The following IMMP2L variants were observed in gnomAD, a reference collection of about 807,000 sequenced individuals.
IMMP2L encodes the protein mitochondrial inner membrane protease subunit 2.
A neutral mutation model predicts 19.3 loss-of-function variants in IMMP2L; 18 were observed. The ratio of observed to expected loss-of-function variants is 0.93; its 90% CI spans 0.64 to 1.38. The LOEUF (loss-of-function observed/expected upper bound fraction) is 1.38. IMMP2L is among the 40% of genes most tolerant of loss of function. The probability of loss-of-function intolerance (pLI) is 0.00; values close to 1 mark genes in which losing one functional copy is unlikely to be tolerated. For missense variants in IMMP2L, 233 were observed against 218.2 expected (o/e 1.07, Z -0.43); for synonymous variants, 76 against 73.0 (o/e 1.04, Z -0.21).
chr7:110,796,741 C>G (rs555603978), intron 5 of IMMP2L, among the ~76,000 whole-genome samples: 1 of 152,086 alleles, frequency 6.6e-6, no homozygotes, highest in Admixed American at 6.6e-5. Context: ...CTCTGCTTAC[C>G]TAGAAAGCAA....
At chr7:111,304,720 T>TGTG (rs1822671153) in intron 3 of IMMP2L, among the ~76,000 whole-genome samples, 3 of 81,866 alleles carry the variant, frequency 3.7e-5, no homozygotes, top group Admixed American at 1.3e-4. Flanking sequence ...GTGTGTGTGG[T>TGTG]GTATCCTGTA....
intron 3 of IMMP2L, chr7:111,411,800 A>C (rs1473802682): frequency 4.9e-6 from 1 of 204,712 alleles, no homozygotes; most frequent in African/African-American, 2.3e-5. Flanking sequence ...TTATGAGCCA[A>C]TCGATGCCAC....
intron 3 of IMMP2L, among the ~76,000 whole-genome samples, chr7:111,452,121 TAATC>T (rs1306072010): frequency 2.0e-5 from 3 of 152,140 alleles, no homozygotes; most frequent in Non-Finnish European, 4.4e-5. Context: ...AGTTACATAT[TAATC>T]AAGATGCAGG....
At chr7:111,117,387 C>T (rs1800018397) in intron 3 of IMMP2L, among the ~76,000 whole-genome samples, 1 of 151,982 alleles carries the variant, frequency 6.6e-6, no homozygotes. Context: ...ATCCTGTCCC[C>T]AGTTACAAAA....
intron 5 of IMMP2L, among the ~76,000 whole-genome samples, chr7:110,861,129 GACAGAGACAGAGAGAC>G (rs1807377281): frequency 1.4e-5 from 2 of 144,208 alleles, no homozygotes; most frequent in Admixed American, 6.8e-5. Context: ...GAGAGAGAGA[GACAGAGACAGAGAGAC>G]AGAGACAGAG....
At chr7:110,780,101 T>C (rs1452127339) in intron 5 of IMMP2L, among the ~76,000 whole-genome samples, 3 of 151,752 alleles carry the variant, frequency 2.0e-5, no homozygotes, top group African/African-American at 4.8e-5. Context: ...GAGTTATTTA[T>C]GTGGCTCGCT....
At chr7:110,738,561 G>T (rs1796789638) in intron 5 of IMMP2L, among the ~76,000 whole-genome samples, 1 of 152,204 alleles carries the variant, frequency 6.6e-6, no homozygotes, top group South Asian at 2.1e-4. Context: ...CATCCAAGAA[G>T]TTCGGGACTA....
chr7:110,972,877 G>A (rs1172586148), intron 3 of IMMP2L, among the ~76,000 whole-genome samples: 1 of 152,098 alleles, frequency 6.6e-6, no homozygotes, highest in African/African-American at 2.4e-5. Context: ...TCATTTAACA[G>A]GCACCTCAGA....
intron 3 of IMMP2L, among the ~76,000 whole-genome samples, chr7:111,474,434 G>A (rs1841544090): frequency 6.6e-6 from 1 of 151,668 alleles, no homozygotes; most frequent in Non-Finnish European, 1.5e-5. Context: ...TAAAGCAAAA[G>A]TGAATATTCA....
At chr7:111,426,689 G>A (rs915352286) in intron 3 of IMMP2L, among the ~76,000 whole-genome samples, 1 of 151,130 alleles carries the variant, frequency 6.6e-6, no homozygotes, top group Non-Finnish European at 1.5e-5. Context: ...CCTTTGATGA[G>A]TAGTTTGCCT....
At chr7:111,467,174 C>T (rs1338857157) in intron 3 of IMMP2L, among the ~76,000 whole-genome samples, 2 of 152,150 alleles carry the variant, frequency 1.3e-5, no homozygotes, top group Non-Finnish European at 2.9e-5. Flanking sequence ...CACCCCAGCA[C>T]CTACTGGGTG....
chr7:111,217,097 GTCTCTC>G (rs34795971), intron 3 of IMMP2L, among the ~76,000 whole-genome samples: 540 of 126,830 alleles, frequency 4.3e-3, no homozygotes, highest in Middle Eastern at 8.5e-3. Context: ...CTCTCCCTCC[GTCTCTC>G]TCTCTCTCTC....
chr7:110,730,552 G>C (rs1329494270), intron 5 of IMMP2L, among the ~76,000 whole-genome samples: 1 of 148,304 alleles, frequency 6.7e-6, no homozygotes, highest in Non-Finnish European at 1.5e-5. Flanking sequence ...TTTTTGAGAC[G>C]GAGTCTCGCT....
intron 2 of IMMP2L, among the ~76,000 whole-genome samples, chr7:111,510,815 T>C (rs554129470): frequency 3.3e-5 from 5 of 152,300 alleles, no homozygotes; most frequent in Admixed American, 1.3e-4. Flanking sequence ...CTGACCACTC[T>C]GGTGTCTTTC....
chr7:110,817,107 G>A (rs1427442888), intron 5 of IMMP2L, among the ~76,000 whole-genome samples: 1 of 152,024 alleles, frequency 6.6e-6, no homozygotes, highest in African/African-American at 2.4e-5. Context: ...AGAAGTTCTG[G>A]CCAGGGCAAT....
chr7:111,086,308 C>T (rs1435165189), intron 3 of IMMP2L, among the ~76,000 whole-genome samples: 1 of 151,384 alleles, frequency 6.6e-6, no homozygotes, highest in Non-Finnish European at 1.5e-5. Flanking sequence ...GATATGGTGG[C>T]TTGTGCCTGT....
At position 111,210,418 on chromosome 7, in the gene IMMP2L, T is replaced by C. The variant is rs182660035; in HGVS notation, c.240-246853A>G. ...CTAACAAAATTCCTCAAAACTACTC[T>C]TGCTATTTCTAGGTAGAAGTCTTTT... is the stretch of plus-strand genomic sequence containing the variant. On this transcript the variant is annotated intron_variant, in intron 3 of 5. Transcript: ENST00000405709. 4.3e-3 allele frequency among the ~76,000 whole-genome samples: 661 copies of C among 152,290 alleles called. 5 individuals are homozygous for C. Among genetic ancestry groups the C allele is most frequent in the Non-Finnish European group, 5.7e-3 (390 of 68,028 alleles).
chr7:111,084,406 C>T (rs1031080701), intron 3 of IMMP2L, among the ~76,000 whole-genome samples: 1 of 151,296 alleles, frequency 6.6e-6, no homozygotes, highest in Admixed American at 6.6e-5. Context: ...GGGGATCACG[C>T]AAGTAGAGAC....
At chr7:111,084,692 G>A (rs192376090) in intron 3 of IMMP2L, among the ~76,000 whole-genome samples, 2 of 152,286 alleles carry the variant, frequency 1.3e-5, no homozygotes, top group East Asian at 1.9e-4. Context: ...AGATGACTTA[G>A]GAGGCTTTGA....
Sources: gnomAD v4.1 joint callset for allele counts (sites outside exome capture counted in the v4.1 genomes callset) on GRCh38, gnomAD v4.1.1 for gene constraint, MANE v1.5 for transcripts, NCBI Gene and HGNC (gene_info 2026-07-23, HGNC 2026-07-21) for gene names.